Variants in TNKS2 observed in about 807,000 individuals in gnomAD.
The protein encoded by TNKS2 is poly [ADP-ribose] polymerase tankyrase-2.
In TNKS2, 72 loss-of-function variants were observed where a neutral mutation model predicts 137.6. The observed-to-expected ratio is 0.52, with a 90% CI of 0.43 to 0.64. TNKS2 has a LOEUF of 0.64. Ranked by LOEUF, TNKS2 falls within the 30% of genes least tolerant of loss-of-function variation. The pLI is 0.00. For missense variants in TNKS2, 1,049 were observed against 1,410.2 expected (o/e 0.74, Z 4.10); for synonymous variants, 516 against 512.1 (o/e 1.01, Z -0.10).
chr10:91,855,414 C>T (rs35978728), intron 22 of TNKS2, among the ~76,000 whole-genome samples, 200 bp from the exon 23 acceptor site: 6 of 152,238 alleles, frequency 3.9e-5, no homozygotes, highest in Admixed American at 3.9e-4. Context: ...TCTTGAACTC[C>T]TGAGCTCAGG....
At chr10:91,841,170 T>A (rs1254313161) in intron 14 of TNKS2, 113 bp from the exon 15 acceptor site, 3 of 945,730 alleles carry the variant, frequency 3.2e-6, no homozygotes, top group African/African-American at 3.4e-5. Flanking sequence ...CTACAAAGTA[T>A]AATCAGTATA....
At position 91,798,489 on chromosome 10, in the gene TNKS2, G is replaced by A. The variant is rs1436814867; in HGVS notation, c.-202G>A. The A allele has an allele frequency of 8.4e-6, 4 of 478,194 alleles. No homozygotes were observed. The highest frequency in any genetic ancestry group is 1.2e-5 in the Non-Finnish European group (4 of 320,292). The allele number at this position is 478,194 out of a possible 1,614,324, so 29.6% of individuals were successfully genotyped here. A position where few individuals can be genotyped will look rare whatever the true frequency, so the allele number is the denominator to read the frequency against. Reference sequence around the variant, plus strand: ...GATTCGCGCTGCCTCCGCCGCCGCGGGGCAGCCGGGGGGCAGGGAGCCCAG... The same window carrying A: ...GATTCGCGCTGCCTCCGCCGCCGCGAGGCAGCCGGGGGGCAGGGAGCCCAG... On this transcript the variant is annotated 5_prime_UTR_variant, in exon 1 of 27. Coordinates refer to ENST00000371627, the MANE Select transcript of TNKS2 (RefSeq NM_025235.4).
chr10:91,803,154 T>G (rs1477909730), intron 1 of TNKS2, among the ~76,000 whole-genome samples: 1 of 152,244 alleles, frequency 6.6e-6, no homozygotes, highest in Non-Finnish European at 1.5e-5. Context: ...TCCTCTCCCT[T>G]GTATTCTTCG....
chr10:91,829,078 G>C (rs1009956605), intron 9 of TNKS2, among the ~76,000 whole-genome samples: 37 of 152,160 alleles, frequency 2.4e-4, no homozygotes, highest in African/African-American at 8.2e-4. Flanking sequence ...CCTGTTGCGT[G>C]AGTTGCAGAA....
intron 18 of TNKS2, among the ~76,000 whole-genome samples, chr10:91,847,238 AATTT>A (rs1379789655): frequency 2.6e-5 from 4 of 152,238 alleles, no homozygotes; most frequent in African/African-American, 9.6e-5. Context: ...AACAAGTACT[AATTT>A]ATTCCTTGCT....
At chr10:91,836,599 T>C in intron 12 of TNKS2, 1 of 978,736 alleles carries the variant, frequency 1.0e-6, no homozygotes, top group African/African-American at 1.7e-5. Context: ...TTTAATACTT[T>C]TGCACCATTC....
In TNKS2 at chr10:91,831,143, A is replaced by G. The variant is rs375561548; in HGVS notation, c.1237A>G (p.Asn413Asp). The change falls in exon 11 of 27, where the codon AAT (asparagine) becomes GAT (aspartate). Residue 413 changes from asparagine (N) to aspartate (D), a missense_variant. This residue lies in a region of TNKS2 where 328 missense variants were observed against 436.0 expected (regional missense o/e 0.75). Transcript: ENST00000371627. Reference sequence around the variant, plus strand: ...GCACGTGGCATCTGAGAAAGCTCATAATGATGTTGTTGAAGTAGTGGTGAA... The same window carrying G: ...GCACGTGGCATCTGAGAAAGCTCATGATGATGTTGTTGAAGTAGTGGTGAA... ...PLHVASEKAHNDVVEVVVKHE... is the reference protein window; with the variant it reads ...PLHVASEKAHDDVVEVVVKHE... 18 of 1,613,916 alleles carry G rather than the reference A, an allele frequency of 1.1e-5. No homozygotes were observed. The highest frequency in any genetic ancestry group is 5.3e-5 in the African/African-American group (4 of 74,920).
chr10:91,863,746 ATTAC>A lies in TNKS2; in HGVS notation c.*749_*752del, dbSNP rs1842911500. The A allele has an allele frequency of 1.3e-5, 2 of 152,274 alleles. No individual in the cohort carries two copies. Among genetic ancestry groups the A allele is most frequent in the South Asian group, 4.1e-4 (2 of 4,826 alleles). 9.4% of individuals were successfully genotyped at this position (152,274 alleles called of 1,614,324 possible). A position where few individuals can be genotyped will look rare whatever the true frequency, so the allele number is the denominator to read the frequency against. On this transcript the variant is annotated 3_prime_UTR_variant, in exon 27 of 27. Transcript: ENST00000371627. Reference sequence around the variant, plus strand: ...AGAGCTCTAACTATGATAGGTCCTGATTACTAAAGAAGCTTCTTTACTGGCCTCA... The same window carrying A: ...AGAGCTCTAACTATGATAGGTCCTGATAAAGAAGCTTCTTTACTGGCCTCA...
At chr10:91,811,737 G>T (rs958847751) in intron 1 of TNKS2, among the ~76,000 whole-genome samples, 1 of 152,104 alleles carries the variant, frequency 6.6e-6, no homozygotes, top group Non-Finnish European at 1.5e-5. Context: ...CATCTTGGAA[G>T]AACTACAGTC....
chr10:91,807,414 T>G, intron 1 of TNKS2: 1 of 1,613,926 alleles, frequency 6.2e-7, no homozygotes, highest in Non-Finnish European at 8.5e-7. Context: ...GCGGCTGAAC[T>G]CCTCCCAGGT....
intron 22 of TNKS2, 96 bp from the exon 23 acceptor site, chr10:91,855,518 C>G: frequency 1.0e-6 from 1 of 989,286 alleles, no homozygotes. Context: ...TTTGTATTCT[C>G]AAAAATAGAA....
rs188272613 is a variant in TNKS2 at position 91,823,533 on chromosome 10, G to A, written c.795+1171G>A. On this transcript the variant is annotated intron_variant, in intron 7 of 26. Coordinates refer to ENST00000371627, the MANE Select transcript of TNKS2 (RefSeq NM_025235.4). ...GTAGATACAGAGTTTCACCATGTTG[G>A]CCAGGCTGGTCTTGAACTCCAGACC... 4.5e-3 allele frequency among the ~76,000 whole-genome samples: 681 copies of A among 151,850 alleles called. 9 individuals are homozygous for A. Among genetic ancestry groups the A allele is most frequent in the African/African-American group, 0.016 (646 of 41,414 alleles).
At chr10:91,820,948 AC>A (rs1844869251) in intron 6 of TNKS2, among the ~76,000 whole-genome samples, 1 of 152,262 alleles carries the variant, frequency 6.6e-6, no homozygotes, top group Non-Finnish European at 1.5e-5. Flanking sequence ...TGATACACAT[AC>A]GAAATACAGG....
At chr10:91,808,039 C>A (rs1844387065) in intron 1 of TNKS2, among the ~76,000 whole-genome samples, 1 of 146,938 alleles carries the variant, frequency 6.8e-6, no homozygotes, top group African/African-American at 2.5e-5. Context: ...GCAGTAATTA[C>A]AAATTTTAAT....
chr10:91,799,003 C>T (rs772202140), intron 1 of TNKS2, 114 bp downstream of exon 1: 174 of 1,246,668 alleles, frequency 1.4e-4, no homozygotes, highest in Non-Finnish European at 1.7e-4. Context: ...GGACTCTGGT[C>T]CTGGTGATCT....
rs146154837 is a variant in TNKS2, at chr10:91,828,321, G to A, written c.1019G>A (p.Arg340Gln). The part of the protein sequence containing the change: ...FKGHSLLQAA[R>Q]EADVTRIKKH... ...GGCCACTCGTTGCTGCAAGCTGCAC[G>A]AGAAGCTGATGTTACTCGAATCAAA... The change falls in exon 9 of 27, where the codon CGA becomes CAA. Residue 340 changes from arginine to glutamine, a missense_variant. Transcript: ENST00000371627. 6.2e-6 allele frequency: 10 copies of A among 1,605,526 alleles called. No homozygotes were observed. The highest frequency in any genetic ancestry group is 5.1e-5 in the Admixed American group (3 of 58,330).
chr10:91,862,848 C>A, intron 26 of TNKS2, 89 bp from the exon 27 acceptor site: 1 of 852,642 alleles, frequency 1.2e-6, no homozygotes, highest in Non-Finnish European at 1.9e-6. Flanking sequence ...TTAGAACCTC[C>A]TCCCTAAGAT....
Position 91,848,591 on chromosome 10 carries a change from G to A in TNKS2, c.2567G>A (p.Ser856Asn). Residue 856 changes from serine (S) to asparagine (N), a missense_variant, in exon 19 of 27, where the codon AGT becomes AAT. By Grantham distance (46) the Ser-to-Asn change is conservative. Coordinates refer to ENST00000371627, the MANE Select transcript of TNKS2 (RefSeq NM_025235.4). ...TTTTCAGAACTGTCTTCAGTAGTTA[G>A]TTCAAGTGGAACAGAGGGTGCTTCC... ...GSFSELSSVV[S>N]SSGTEGASSL... 1.2e-6 allele frequency: 2 copies of A among 1,614,198 alleles called. No homozygotes were observed. The highest frequency in any genetic ancestry group is 1.1e-5 in the South Asian group (1 of 91,088).
At chr10:91,853,661 A>T (rs149537789) in intron 21 of TNKS2, among the ~76,000 whole-genome samples, 16 of 152,342 alleles carry the variant, frequency 1.1e-4, no homozygotes, top group African/African-American at 3.8e-4. Flanking sequence ...TATGTTGCAG[A>T]TGCCTCAGTC....
Sources: gnomAD v4.1 joint callset for allele counts (sites outside exome capture counted in the v4.1 genomes callset) on GRCh38, gnomAD v4.1.1 for gene constraint, gnomAD v4.1.1 regional missense constraint, MANE v1.5 for transcripts, NCBI Gene and HGNC (gene_info 2026-07-23, HGNC 2026-07-21) for gene names.